The following HSPG2 variants were observed in gnomAD, a reference collection of about 807,000 sequenced individuals.
HSPG2 encodes the protein basement membrane-specific heparan sulfate proteoglycan core protein.
Under a neutral mutation model 526.6 loss-of-function variants are expected in HSPG2, and 278 were observed. The observed-to-expected ratio is 0.53, with a 90% CI of 0.48 to 0.58. The LOEUF is 0.58. Ranked by LOEUF, HSPG2 falls within the 20% of genes least tolerant of loss-of-function variation. The probability of loss-of-function intolerance (pLI) is 0.00; values close to 1 mark genes in which losing one functional copy is unlikely to be tolerated. For synonymous variants in HSPG2, 2,465 were observed against 2,555.4 expected (o/e 0.96, Z 1.07); for missense variants, 5,354 against 6,099.5 (o/e 0.88, Z 4.07).
At chr1:21,881,267 C>T in intron 14 of HSPG2, 72 bp downstream of exon 14, 2 of 1,557,184 alleles carry the variant, frequency 1.3e-6, no homozygotes, top group Non-Finnish European at 1.8e-6. Context: ...GCCTTGTTGT[C>T]CACCAACTGC....
At chr1:21,870,391 C>T in intron 33 of HSPG2, 1 of 631,042 alleles carries the variant, frequency 1.6e-6, no homozygotes, top group Non-Finnish European at 2.0e-6. Flanking sequence ...GGTCCTCTAC[C>T]CACGGACATG....
Position 21,828,271 on chromosome 1 carries a change from A to C in HSPG2, c.12393T>G (p.Cys4131Trp), listed in dbSNP as rs146048924. 22 of 1,613,496 alleles carry C rather than the reference A, an allele frequency of 1.4e-5. No homozygotes were observed. The highest frequency in any genetic ancestry group is 1.7e-5 in the Non-Finnish European group (20 of 1,180,012). The change falls in exon 89 of 97, where the codon TGT (cysteine) becomes TGG (tryptophan). Residue 4131 changes from cysteine to tryptophan, a missense_variant. Coordinates refer to ENST00000374695, the MANE Select transcript of HSPG2 (RefSeq NM_005529.7). This position sits in a 1 kb window ranked among gnomAD's most constrained non-coding sequence, Gnocchi z 6.0. ...PAGEYEFQCLCRDGFKGDLCE... is the reference protein window; with the variant it reads ...PAGEYEFQCLWRDGFKGDLCE... ...CTTTCCCACCTTTGAATCCATCTCG[A>C]CACAGGCACTGGAACTCATACTCGC...
intron 37 of HSPG2, among the ~76,000 whole-genome samples, chr1:21,862,709 A>G (rs897399701): frequency 1.3e-5 from 2 of 152,052 alleles, no homozygotes; most frequent in Non-Finnish European, 2.9e-5. Flanking sequence ...TGCTAATTCT[A>G]TTTTCTCCCT....
At position 21,880,805 on chromosome 1, in the gene HSPG2, T is replaced by C. The variant is rs1317018832; in HGVS notation, c.1849A>G (p.Asn617Asp). ...VDSYGGSLRY[N>D]VRYELARGML... Reference sequence around the variant, plus strand: ...CCACGGGCCAACTCGTAGCGCACGTTGTAACGCAGGGAGCCGCCATAGGAG... The same window carrying C: ...CCACGGGCCAACTCGTAGCGCACGTCGTAACGCAGGGAGCCGCCATAGGAG... Residue 617 changes from asparagine to aspartate, a missense_variant, in exon 15 of 97, where the codon AAC becomes GAC. Transcript: ENST00000374695. 6.3e-7 allele frequency: 1 copy of C among 1,595,714 alleles called. No homozygotes were observed. The highest frequency in any genetic ancestry group is 1.3e-5 in the African/African-American group (1 of 74,558).
chr1:21,874,273 C>A, intron 28 of HSPG2, 133 bp downstream of exon 28: 1 of 1,246,730 alleles, frequency 8.0e-7, no homozygotes, highest in Admixed American at 2.0e-5. Context: ...GTATCTCACA[C>A]CAAGTGACAC....
chr1:21,843,341 G>C lies in HSPG2; in HGVS notation c.8714C>G (p.Ser2905Cys). Residue 2905 changes from serine (S) to cysteine (C), a missense_variant, in exon 66 of 97, where the codon TCT becomes TGT. Ser to Cys is a moderately radical substitution (Grantham distance 112, BLOSUM62 -1). Coordinates refer to ENST00000374695, the MANE Select transcript of HSPG2 (RefSeq NM_005529.7). ...VTGSSGTLEASVLVTIEPSSP... is the reference protein window; with the variant it reads ...VTGSSGTLEACVLVTIEPSSP... ...GGAGGGCTCAATTGTGACCAGGACA[G>C]ATGCCTCCAGGGTGCCTGAGCTTCC... The C allele has an allele frequency of 4.3e-6, 7 of 1,614,140 alleles. No individual in the cohort carries two copies. Among genetic ancestry groups the C allele is most frequent in the Non-Finnish European group, 5.9e-6 (7 of 1,180,022 alleles).
rs554401609 is a variant in HSPG2, at chr1:21,881,480, C to T, written c.1677G>A (p.Ala559=). The change falls in exon 14 of 97, where the codon GCG becomes GCA. Residue 559 remains alanine (A), a synonymous_variant. Coordinates refer to ENST00000374695, the MANE Select transcript of HSPG2 (RefSeq NM_005529.7). The part of the protein sequence containing the change: ...DFKGVNVTMP[A]QPGTPPLSST... ...AGGAGAGGGGTGGCGTGCCGGGCTG[C>T]GCAGGCATTGTCACATTCACACCTG... 26 of 1,612,430 alleles carry T rather than the reference C, an allele frequency of 1.6e-5. No individual in the cohort carries two copies. Among genetic ancestry groups the T allele is most frequent in the East Asian group, 6.7e-5 (3 of 44,878 alleles).
intron 1 of HSPG2, among the ~76,000 whole-genome samples, chr1:21,897,985 G>A (rs940382756): frequency 2.6e-5 from 4 of 152,152 alleles, no homozygotes; most frequent in African/African-American, 4.8e-5. Flanking sequence ...CTGTACCTCC[G>A]TTGGAATGGA....
intron 80 of HSPG2, chr1:21,832,899 A>G: frequency 1.8e-6 from 1 of 568,328 alleles, no homozygotes; most frequent in East Asian, 3.0e-5. Context: ...AGGCCTGGAC[A>G]GTGAAAGTCA....
In HSPG2 at chr1:21,878,325, A is replaced by G. The variant is rs774058763; in HGVS notation, c.2618-72T>C. 3.8e-6 allele frequency: 6 copies of G among 1,574,506 alleles called. No individual in the cohort carries two copies. The African/African-American group carries it at 6.7e-5, about 18-fold the overall frequency. On this transcript the variant is annotated intron_variant, in intron 20 of 96. Coordinates refer to ENST00000374695, the MANE Select transcript of HSPG2 (RefSeq NM_005529.7). ...ACGTGGTCCGGGCAGATAGAGGAACAGTGGCTCCCCAAGGTTCATGAGCTG... is the reference window on the plus strand; with the variant it reads ...ACGTGGTCCGGGCAGATAGAGGAACGGTGGCTCCCCAAGGTTCATGAGCTG...
intron 47 of HSPG2, 33 bp downstream of exon 47, chr1:21,855,271 G>A: frequency 6.3e-7 from 1 of 1,585,732 alleles, no homozygotes; most frequent in South Asian, 1.1e-5. Flanking sequence ...GAGCCTGTGG[G>A]CCTCCTCCTC....
chr1:21,890,312 C>T lies in HSPG2; in HGVS notation c.413+115G>A, dbSNP rs923439594. 1 of 1,282,964 alleles carries T rather than the reference C, an allele frequency of 7.8e-7. No individual in the cohort carries two copies. Among genetic ancestry groups the T allele is most frequent in the Non-Finnish European group, 1.1e-6 (1 of 884,678 alleles). The allele number at this position is 1,282,964 out of a possible 1,614,324, so 79.5% of individuals were successfully genotyped here. ...CGACCAATTCCTGAATTTCCACCCA[C>T]AGCGACTCATCCCATAGGCCTTTCC... On this transcript the variant is annotated intron_variant, in intron 5 of 96. Transcript: ENST00000374695. This position sits in a 1 kb window ranked among gnomAD's most constrained non-coding sequence, Gnocchi z 4.1.
At chr1:21,835,937 T>C (rs1007427111) in intron 75 of HSPG2, among the ~76,000 whole-genome samples, 37 of 148,180 alleles carry the variant, frequency 2.5e-4, no homozygotes, top group Admixed American at 2.3e-3. Context: ...TAAGCCGAGA[T>C]TGCGCCACTG....
In HSPG2 at chr1:21,876,659, GCA is replaced by G. The variant is rs754518260; in HGVS notation, c.2686-9_2686-8del. On this transcript the variant is annotated splice_region_variant and splice_polypyrimidine_tract_variant and intron_variant, in intron 21 of 96. Transcript: ENST00000374695. The stretch of plus-strand genomic sequence containing the variant: ...AGCGCCCCACCACATTGTTCTGCAG[GCA>G]CAGAGTTGGAGCTGAAGGACAGCCC... 1 of 1,614,164 alleles carries G rather than the reference GCA, an allele frequency of 6.2e-7. No homozygotes were observed. Among genetic ancestry groups the G allele is most frequent in the East Asian group, 2.2e-5 (1 of 44,888 alleles).
chr1:21,908,189 T>A (rs1392630644), intron 1 of HSPG2: 3 of 852,208 alleles, frequency 3.5e-6, no homozygotes, highest in African/African-American at 3.2e-5. Context: ...GCCACGTATA[T>A]GCGAATCTAT....
chr1:21,835,180 C>T (rs2098021413), intron 76 of HSPG2: 5 of 629,470 alleles, frequency 7.9e-6, no homozygotes, highest in East Asian at 2.8e-5. Flanking sequence ...GTTGTATTCA[C>T]AGGTGTGATC....
intron 75 of HSPG2, among the ~76,000 whole-genome samples, chr1:21,835,983 CAA>C (rs71569851): frequency 1.7e-4 from 13 of 75,786 alleles, no homozygotes; most frequent in East Asian, 4.8e-4. Context: ...GATTCCATCT[CAA>C]AAAAAAAAAA....
chr1:21,881,279 G>C (rs1641482592), intron 14 of HSPG2, 60 bp downstream of exon 14: 1 of 1,590,326 alleles, frequency 6.3e-7, no homozygotes, highest in East Asian at 2.2e-5. Flanking sequence ...ACCAACTGCA[G>C]AAGGAGCAGA....
At chr1:21,842,570 G>A (rs1227879820) in intron 67 of HSPG2, among the ~76,000 whole-genome samples, 190 bp from the exon 68 acceptor site, 2 of 152,170 alleles carry the variant, frequency 1.3e-5, no homozygotes, top group East Asian at 1.9e-4. Flanking sequence ...GGAAACTGAG[G>A]CCCAGGAAAG....
Sources: allele counts gnomAD v4.1 joint callset (sites outside exome capture counted in the v4.1 genomes callset), GRCh38; gene constraint gnomAD v4.1.1; non-coding constraint Gnocchi (gnomAD v3.1); transcripts MANE v1.5; gene names NCBI Gene and HGNC (gene_info 2026-07-23, HGNC 2026-07-21).